Variants in IRGM observed in about 807,000 individuals in gnomAD.
The protein encoded by IRGM is immunity related GTPase M, also known as immunity-related GTPase family M protein.
For synonymous variants in IRGM, 98 were observed against 80.6 expected (o/e 1.22, Z -1.16); for missense variants, 288 against 219.9 (o/e 1.31, Z -1.96).
chr5:150,889,223 A>G (rs909821278), intron 3 of IRGM, among the ~76,000 whole-genome samples: 5 of 152,028 alleles, frequency 3.3e-5, no homozygotes, highest in Non-Finnish European at 7.4e-5. Flanking sequence ...TGCTGTTTAC[A>G]AAAGGAAGAG....
chr5:150,865,325 G>T (rs1030624609), intron 1 of IRGM, among the ~76,000 whole-genome samples: 1 of 151,686 alleles, frequency 6.6e-6, no homozygotes, highest in Non-Finnish European at 1.5e-5. Flanking sequence ...ACTAAAACAG[G>T]CAGGAGAAAT....
intron 3 of IRGM, among the ~76,000 whole-genome samples, chr5:150,889,031 T>C (rs903388434): frequency 2.0e-5 from 3 of 152,132 alleles, no homozygotes; most frequent in Non-Finnish European, 4.4e-5. Flanking sequence ...GCAAGTAGTA[T>C]TGTTTTCAAA....
intron 1 of IRGM, among the ~76,000 whole-genome samples, chr5:150,855,548 A>C (rs1388105804): frequency 6.6e-6 from 1 of 152,208 alleles, no homozygotes; most frequent in Non-Finnish European, 1.5e-5. Flanking sequence ...ATGTAAACTT[A>C]TCAAAAAAGT....
intron 3 of IRGM, chr5:150,898,280 A>G: frequency 6.3e-7 from 1 of 1,590,988 alleles, no homozygotes; most frequent in Non-Finnish European, 8.6e-7. Flanking sequence ...CTGTCCAGTT[A>G]GCCCTCAACA....
chr5:150,898,479 TC>T, intron 3 of IRGM: 1 of 1,613,262 alleles, frequency 6.2e-7, no homozygotes, highest in Non-Finnish European at 8.5e-7. Flanking sequence ...CTGTACAGGG[TC>T]CTCTGAGAAG....
chr5:150,893,665 A>G (rs1408486959), intron 3 of IRGM, among the ~76,000 whole-genome samples: 6 of 152,140 alleles, frequency 3.9e-5, no homozygotes, highest in East Asian at 1.9e-4. Flanking sequence ...AGTAAGCTCA[A>G]TGTAACTATT....
At chr5:150,851,019 G>GT (rs1376046434), downstream of IRGM, among the ~76,000 whole-genome samples, 1 of 152,200 alleles carries the variant, frequency 6.6e-6, no homozygotes, top group Non-Finnish European at 1.5e-5. Context: ...GGAAATGTTA[G>GT]TTTTGGTTTC....
At position 150,848,207 on chromosome 5, in the gene IRGM, A is replaced by T; in HGVS notation, c.84A>T (p.Ile28=). 6.4e-7 allele frequency: 1 copy of T among 1,551,816 alleles called. No individual in the cohort carries two copies. The highest frequency in any genetic ancestry group is 8.7e-7 in the Non-Finnish European group (1 of 1,146,944). Residue 28 remains isoleucine (I), a synonymous_variant, in exon 2 of 2, where the codon ATA becomes ATT. Coordinates refer to ENST00000522154, the MANE Select transcript of IRGM (RefSeq NM_001145805.2). ...CTAACATCAAGGAGACTCTGAAGAT[A>T]GTGTCCAGGACACCAGTTAACATCA... ...VISNIKETLK[I]VSRTPVNITM...
intron 1 of IRGM, among the ~76,000 whole-genome samples, chr5:150,856,820 T>C (rs1335007372): frequency 6.6e-6 from 1 of 150,448 alleles, no homozygotes; most frequent in African/African-American, 2.4e-5. Flanking sequence ...ACACCTGCTG[T>C]GGATCCATCC....
chr5:150,900,624 G>C (rs1754962135), exon 4 of IRGM: 1 of 151,950 alleles, frequency 6.6e-6, no homozygotes, highest in Non-Finnish European at 1.5e-5. Context: ...AATCTGCTCA[G>C]GATATTCAAC....
At chr5:150,895,738 C>T (rs776078309) in intron 3 of IRGM, 48 of 1,613,514 alleles carry the variant, frequency 3.0e-5, no homozygotes, top group Non-Finnish European at 3.8e-5. Flanking sequence ...TGGCAGAAGG[C>T]TTTGCCACAT....
intron 3 of IRGM, chr5:150,898,064 T>G (rs1224905715): frequency 6.2e-7 from 1 of 1,610,132 alleles, no homozygotes; most frequent in African/African-American, 1.3e-5. Flanking sequence ...TCACTTCCCT[T>G]GTCTCCCATC....
chr5:150,879,971 A>T (rs1272696935), intron 3 of IRGM, among the ~76,000 whole-genome samples: 1 of 152,192 alleles, frequency 6.6e-6, no homozygotes, highest in Non-Finnish European at 1.5e-5. Context: ...GCAAGACCTA[A>T]GACTAGTTGA....
At chr5:150,868,907 T>C (rs1468154871) in intron 1 of IRGM, among the ~76,000 whole-genome samples, 2 of 152,174 alleles carry the variant, frequency 1.3e-5, no homozygotes, top group South Asian at 4.1e-4. Context: ...TATGGTTCTC[T>C]GGGTATACAA....
At chr5:150,897,953 C>T in intron 3 of IRGM, 1 of 1,344,380 alleles carries the variant, frequency 7.4e-7, no homozygotes, top group African/African-American at 1.5e-5. Flanking sequence ...TGTTGAGTGA[C>T]TACTAAATTC....
intron 3 of IRGM, among the ~76,000 whole-genome samples, chr5:150,893,861 GA>G (rs1392140488): frequency 1.3e-5 from 2 of 152,022 alleles, no homozygotes; most frequent in East Asian, 3.9e-4. Context: ...TCCATTTTAT[GA>G]ATGGGTTTGC....
intron 1 of IRGM, among the ~76,000 whole-genome samples, chr5:150,870,204 A>G (rs1049254643): frequency 6.6e-6 from 1 of 152,260 alleles, no homozygotes; most frequent in African/African-American, 2.4e-5. Flanking sequence ...TTATTAATCA[A>G]AATAGGAACC....
intron 1 of IRGM, among the ~76,000 whole-genome samples, chr5:150,857,282 T>C (rs1463881518): frequency 2.0e-5 from 3 of 152,214 alleles, no homozygotes; most frequent in Non-Finnish European, 2.9e-5. Flanking sequence ...TATGGCTGCA[T>C]AGTATTCCAT....
chr5:150,901,580 A>C (rs1218031381), downstream of IRGM, among the ~76,000 whole-genome samples: 2 of 152,114 alleles, frequency 1.3e-5, no homozygotes, highest in Non-Finnish European at 2.9e-5. Context: ...TCTACTGTAA[A>C]ATATACACAA....
Sources: gnomAD v4.1 joint callset for allele counts (sites outside exome capture counted in the v4.1 genomes callset) on GRCh38, gnomAD v4.1.1 for gene constraint, MANE v1.5 for transcripts, NCBI Gene and HGNC (gene_info 2026-07-23, HGNC 2026-07-21) for gene names.